Variants in PLCH1 observed in about 807,000 individuals in gnomAD.
PLCH1 encodes phospholipase C eta 1, also known as 1-phosphatidylinositol 4,5-bisphosphate phosphodiesterase eta-1.
Under a neutral mutation model 126.7 loss-of-function variants are expected in PLCH1, and 60 were observed. The observed-to-expected ratio is 0.47, with a 90% CI of 0.38 to 0.59. The LOEUF is 0.59. Ranked by LOEUF, PLCH1 falls within the 20% of genes least tolerant of loss-of-function variation. The pLI, the probability that PLCH1 is intolerant of heterozygous loss-of-function variation, is 0.00. For missense variants in PLCH1, 1,723 were observed against 2,040.0 expected (o/e 0.84, Z 2.99); for synonymous variants, 719 against 734.9 (o/e 0.98, Z 0.35).
intron 8 of PLCH1, among the ~76,000 whole-genome samples, chr3:155,563,628 C>T (rs1455311346): frequency 3.3e-5 from 4 of 121,216 alleles, no homozygotes; most frequent in Admixed American, 8.8e-5. Flanking sequence ...CACAAACACA[C>T]ATGTCAAAAA....
chr3:155,583,914 T>C (rs572707953), intron 5 of PLCH1, among the ~76,000 whole-genome samples: 34 of 136,578 alleles, frequency 2.5e-4, no homozygotes, highest in African/African-American at 8.7e-4. Flanking sequence ...AAAGAAACCT[T>C]AAAAAAAAAA....
intron 1 of PLCH1, among the ~76,000 whole-genome samples, chr3:155,725,119 C>T (rs1344349885): frequency 1.3e-5 from 2 of 152,056 alleles, no homozygotes; most frequent in African/African-American, 4.8e-5. Flanking sequence ...TCCCTTCTAG[C>T]TTATAGGGTT....
chr3:155,655,787 G>GT (rs1741289297), intron 2 of PLCH1, among the ~76,000 whole-genome samples: 1 of 151,986 alleles, frequency 6.6e-6, no homozygotes, highest in East Asian at 1.9e-4. Flanking sequence ...AAAAGAAAGG[G>GT]TCCCACCCAA....
chr3:155,596,495 C>T, intron 2 of PLCH1, 117 bp from the exon 3 acceptor site: 1 of 700,586 alleles, frequency 1.4e-6, no homozygotes, highest in Non-Finnish European at 2.2e-6. Context: ...AGGACCAGAA[C>T]AAATTTGGTA....
chr3:155,500,942 AT>A (rs1717801851), intron 13 of PLCH1, 148 bp from the exon 14 acceptor site: 3 of 607,422 alleles, frequency 4.9e-6, no homozygotes. Flanking sequence ...TTGCTTCAGC[AT>A]TAATAACAAG....
chr3:155,592,327 C>CAAA (rs11426252), intron 4 of PLCH1, among the ~76,000 whole-genome samples: 10 of 122,798 alleles, frequency 8.1e-5, no homozygotes, highest in Admixed American at 1.8e-4. Context: ...ACTAAAAATA[C>CAAA]AAAAAAAAAA....
In PLCH1 at chr3:155,664,161, G is replaced by A. The variant is rs140675243; in HGVS notation, c.79+39985C>T. 3.1e-3 allele frequency among the ~76,000 whole-genome samples: 472 copies of A among 152,282 alleles called. 2 individuals are homozygous for A. Among genetic ancestry groups the A allele is most frequent in the African/African-American group, 0.011 (441 of 41,568 alleles). ...AACTGGCAAAGGCAGCATAGTAGAG[G>A]GGATTCAGCTGGGACTGAACTCAGG... On this transcript the variant is annotated intron_variant, in intron 2 of 22. Coordinates refer to ENST00000460012, the MANE Select transcript of PLCH1 (RefSeq NM_014996.4).
chr3:155,743,699 T>C (rs560921568), intron 1 of PLCH1: 10 of 369,988 alleles, frequency 2.7e-5, no homozygotes, highest in South Asian at 2.1e-4. Flanking sequence ...TTCTTTTCAT[T>C]GGCATTATAC....
At chr3:155,685,151 T>C (rs1577317559) in intron 2 of PLCH1, among the ~76,000 whole-genome samples, 1 of 152,030 alleles carries the variant, frequency 6.6e-6, no homozygotes, top group East Asian at 1.9e-4. Context: ...TTTCCAATTG[T>C]CGGAAGACAC....
intron 21 of PLCH1, among the ~76,000 whole-genome samples, chr3:155,452,495 G>A (rs940828972): frequency 6.6e-6 from 1 of 152,094 alleles, no homozygotes; most frequent in African/African-American, 2.4e-5. Flanking sequence ...CTAGAATTGA[G>A]AGTCTAATCT....
chr3:155,624,219 C>G (rs2108783353), intron 2 of PLCH1, among the ~76,000 whole-genome samples: 1 of 152,284 alleles, frequency 6.6e-6, no homozygotes, highest in East Asian at 1.9e-4. Context: ...GCTAAAAACT[C>G]TCAATAAACT....
chr3:155,617,593 A>G (rs1438653100), intron 2 of PLCH1, among the ~76,000 whole-genome samples: 1 of 152,178 alleles, frequency 6.6e-6, no homozygotes. Flanking sequence ...CAGAATTTGG[A>G]AACTATTTGT....
chr3:155,530,360 C>G (rs898320233), intron 10 of PLCH1, among the ~76,000 whole-genome samples: 1 of 149,230 alleles, frequency 6.7e-6, no homozygotes, highest in South Asian at 2.1e-4. Context: ...GAGTCTCGCT[C>G]TGTCGCCCAG....
intron 2 of PLCH1, among the ~76,000 whole-genome samples, chr3:155,684,988 G>A (rs1009493259): frequency 1.3e-5 from 2 of 152,172 alleles, no homozygotes; most frequent in Admixed American, 6.5e-5. Context: ...GAAACAAGGA[G>A]GAACATAATG....
chr3:155,537,258 A>C (rs1156597043), intron 10 of PLCH1, among the ~76,000 whole-genome samples: 1 of 142,504 alleles, frequency 7.0e-6, no homozygotes, highest in African/African-American at 2.6e-5. Context: ...TAAATCTTGA[A>C]AGAAAACCTC....
At chr3:155,558,061 TTCC>T (rs1727069339) in intron 8 of PLCH1, among the ~76,000 whole-genome samples, 1 of 152,254 alleles carries the variant, frequency 6.6e-6, no homozygotes, top group Non-Finnish European at 1.5e-5. Flanking sequence ...CTTATTGCTC[TTCC>T]TCAAGACACT....
At position 155,568,302 on chromosome 3, in the gene PLCH1, T is replaced by C. The variant is rs1728771060; in HGVS notation, c.794A>G (p.Tyr265Cys). ...EQKMNNVTTDYCLDIIKKFEV... is the reference protein window; with the variant it reads ...EQKMNNVTTDCCLDIIKKFEV... Reference sequence around the variant, plus strand: ...AAACTTCTTTATGATGTCAAGACAATAGTCCGTTGTCACATTATTCATCTA... The same window carrying C: ...AAACTTCTTTATGATGTCAAGACAACAGTCCGTTGTCACATTATTCATCTA... Residue 265 changes from tyrosine to cysteine, a missense_variant, in exon 7 of 23, where the codon TAT becomes TGT. Transcript: ENST00000460012. 2 of 1,524,152 alleles carry C rather than the reference T, an allele frequency of 1.3e-6. No homozygotes were observed. Among genetic ancestry groups the C allele is most frequent in the South Asian group, 1.1e-5 (1 of 87,660 alleles). 94.4% of individuals were successfully genotyped at this position (1,524,152 alleles called of 1,614,324 possible).
chr3:155,472,033 C>A (rs999948142), intron 21 of PLCH1, among the ~76,000 whole-genome samples: 2 of 152,068 alleles, frequency 1.3e-5, no homozygotes, highest in Non-Finnish European at 2.9e-5. Context: ...AAAGCAAGAG[C>A]AAACGCATTC....
intron 10 of PLCH1, among the ~76,000 whole-genome samples, chr3:155,532,342 C>T (rs1018840160): frequency 1.3e-5 from 2 of 152,134 alleles, no homozygotes; most frequent in Non-Finnish European, 2.9e-5. Context: ...CTCTGTGAGA[C>T]AGCTGAAAAA....
Sources: allele counts gnomAD v4.1 joint callset (sites outside exome capture counted in the v4.1 genomes callset), GRCh38; gene constraint gnomAD v4.1.1; transcripts MANE v1.5; gene names NCBI Gene and HGNC (gene_info 2026-07-23, HGNC 2026-07-21).